The following FOCAD variants were observed in gnomAD, a reference collection of about 807,000 sequenced individuals.
FOCAD encodes KIAA1797.
A neutral mutation model predicts 225.6 loss-of-function variants in FOCAD; 198 were observed. The observed-to-expected ratio is 0.88, with a 90% CI of 0.78 to 0.99. FOCAD has a LOEUF of 0.99. FOCAD is among the 50% of genes least tolerant of loss of function. FOCAD has a pLI of 0.00. For synonymous variants in FOCAD, 897 were observed against 755.0 expected, an observed-to-expected ratio of 1.19 and a Z score of -3.08; for missense variants, 2,713 against 2,123.6, an observed-to-expected ratio of 1.28 and a Z score of -5.46.
chr9:20,803,568 A>G (rs958985834), intron 11 of FOCAD, among the ~76,000 whole-genome samples: 1 of 152,066 alleles, frequency 6.6e-6, no homozygotes, highest in African/African-American at 2.4e-5. Flanking sequence ...TGGGCAAGAG[A>G]ACTCTAGGGG....
At chr9:20,797,581 T>A (rs950955862) in intron 11 of FOCAD, among the ~76,000 whole-genome samples, 1 of 152,190 alleles carries the variant, frequency 6.6e-6, no homozygotes, top group Non-Finnish European at 1.5e-5. Context: ...TTGAAGCAAT[T>A]ATGAATGGGA....
intron 10 of FOCAD, among the ~76,000 whole-genome samples, chr9:20,788,290 G>T (rs1326990319): frequency 6.6e-6 from 1 of 152,124 alleles, no homozygotes; most frequent in African/African-American, 2.4e-5. Context: ...GTTGCCAAGG[G>T]CTGGAGGAGG....
chr9:20,797,771 A>G (rs143758576), intron 11 of FOCAD, among the ~76,000 whole-genome samples: 3 of 152,272 alleles, frequency 2.0e-5, no homozygotes, highest in East Asian at 1.9e-4. Context: ...TTTTCTAGAT[A>G]TACAATCATG....
intron 1 of FOCAD, among the ~76,000 whole-genome samples, chr9:20,701,878 G>T (rs192128230): frequency 6.6e-6 from 1 of 152,198 alleles, no homozygotes; most frequent in Admixed American, 6.5e-5. Flanking sequence ...AAGCTGCTTT[G>T]GGAATTTGAT....
rs1819174443 is a variant in FOCAD at position 20,779,728 on chromosome 9, C to T, written c.994+960C>T. On this transcript the variant is annotated intron_variant, in intron 9 of 43. Coordinates refer to ENST00000338382, the MANE Select transcript of FOCAD (RefSeq NM_001375567.1). ...TCGCGCCATTGCACTCCAGCTTGGG[C>T]AACAAGAGCGAAACTCCGTCTCAAA... Among the ~76,000 whole-genome samples, 3 of 149,224 alleles carry T rather than the reference C, an allele frequency of 2.0e-5. No homozygotes were observed. The Admixed American group carries it at 2.0e-4, about 10-fold the overall frequency.
At chr9:20,932,113 C>T (rs768384376) in intron 27 of FOCAD, among the ~76,000 whole-genome samples, 8 of 152,096 alleles carry the variant, frequency 5.3e-5, no homozygotes, top group Non-Finnish European at 7.4e-5. Context: ...GTATATTTTA[C>T]TCCAAAGGAC....
chr9:20,769,960 C>G (rs1322380658), intron 7 of FOCAD, 72 bp from the exon 8 acceptor site: 9 of 1,386,402 alleles, frequency 6.5e-6, no homozygotes, highest in South Asian at 1.3e-5. Flanking sequence ...TTGTTCAAAG[C>G]TTTTTGTGTA....
intron 7 of FOCAD, 131 bp from the exon 8 acceptor site, chr9:20,769,900 AC>A (rs939319632): frequency 2.7e-6 from 2 of 748,364 alleles, no homozygotes; most frequent in African/African-American, 1.8e-5. Context: ...GAGTTCTGTA[AC>A]TTTTTTTCAT....
At chr9:20,665,979 C>G (rs1042909742) in intron 2 of FOCAD, among the ~76,000 whole-genome samples, 1 of 152,078 alleles carries the variant, frequency 6.6e-6, no homozygotes, top group Non-Finnish European at 1.5e-5. Context: ...ACTGCAACCT[C>G]CGCCTTCCAG....
intron 21 of FOCAD, among the ~76,000 whole-genome samples, chr9:20,887,241 C>T (rs71504752): frequency 0.21 from 30,525 of 147,408 alleles, 3,485 homozygotes; most frequent in South Asian, 0.33. Context: ...TTTTCTTTCT[C>T]TTTTTTTTTT....
chr9:20,968,176 T>A (rs943949004), intron 35 of FOCAD, among the ~76,000 whole-genome samples: 8 of 152,072 alleles, frequency 5.3e-5, no homozygotes, highest in Non-Finnish European at 1.2e-4. Context: ...CCTGACTCAG[T>A]TTTGATAATT....
chr9:20,717,998 A>G (rs1313271882), intron 3 of FOCAD, 130 bp downstream of exon 3: 4 of 632,566 alleles, frequency 6.3e-6, no homozygotes, highest in African/African-American at 1.9e-5. Context: ...TGAGAACTTC[A>G]TTGCCTTTTT....
intron 18 of FOCAD, chr9:20,872,700 C>A (rs2131777307): frequency 1.3e-5 from 2 of 151,960 alleles, no homozygotes; most frequent in Middle Eastern, 6.8e-3. Context: ...TTAAAGTATG[C>A]AATTTAGTGG....
At chr9:20,822,667 A>C (rs10757147) in intron 14 of FOCAD, among the ~76,000 whole-genome samples, 55,075 of 151,846 alleles carry the variant, frequency 0.36, 10,189 homozygotes, top group East Asian at 0.47. Flanking sequence ...AATCTCAATT[A>C]GGTAATTCAG....
rs80118002 is a variant in FOCAD, at chr9:20,990,350, G to C, written c.5232G>C (p.Glu1744Asp). 3 of 1,613,842 alleles carry C rather than the reference G, an allele frequency of 1.9e-6. No individual in the cohort carries two copies. The East Asian group carries it at 6.7e-5, about 36-fold the overall frequency. The change falls in exon 42 of 44, where the codon GAG (glutamate) becomes GAC (aspartate). Residue 1744 changes from glutamate (E) to aspartate (D), a missense_variant. Physicochemically the swap from Glu to Asp is conservative, Grantham distance 45. Transcript: ENST00000338382. ...GCATGGCTCTGCTGCTGCAGAAAGA[G>C]CCATGGAAGGAACAGACCCAGAAGG... Reference protein sequence around the residue: ...PNSMALLLQKEPWKEQTQKFI... With the variant: ...PNSMALLLQKDPWKEQTQKFI...
intron 19 of FOCAD, among the ~76,000 whole-genome samples, chr9:20,879,241 C>G (rs944177814): frequency 5.3e-5 from 8 of 152,156 alleles, no homozygotes; most frequent in Non-Finnish European, 1.2e-4. Context: ...ATAGTTCTGC[C>G]TAACAGATGC....
chr9:20,786,724 A>G (rs1171039630), intron 10 of FOCAD, among the ~76,000 whole-genome samples: 2 of 152,214 alleles, frequency 1.3e-5, no homozygotes, highest in African/African-American at 4.8e-5. Context: ...TATTGTTACT[A>G]CTTAATGTGT....
intron 1 of FOCAD, among the ~76,000 whole-genome samples, chr9:20,710,700 T>A (rs1824778167): frequency 1.3e-5 from 2 of 152,180 alleles, no homozygotes; most frequent in African/African-American, 4.8e-5. Context: ...ATGTAAGAAA[T>A]TTCCTTCAGA....
At chr9:20,871,707 A>G (rs558027170) in intron 18 of FOCAD, among the ~76,000 whole-genome samples, 2 of 136,076 alleles carry the variant, frequency 1.5e-5, no homozygotes, top group African/African-American at 5.5e-5. Context: ...GAATTGAACA[A>G]TGAGAACACG....
Sources: allele counts gnomAD v4.1 joint callset (sites outside exome capture counted in the v4.1 genomes callset), GRCh38; gene constraint gnomAD v4.1.1; transcripts MANE v1.5; gene names NCBI Gene and HGNC (gene_info 2026-07-23, HGNC 2026-07-21).